Variants in TMEM230 observed in about 807,000 individuals in gnomAD.
TMEM230 encodes UPF0414 transmembrane protein C20orf30.
In TMEM230, 10 loss-of-function variants were observed where a neutral mutation model predicts 15.8. The observed-to-expected ratio is 0.63, with a 90% CI of 0.39 to 1.07. The LOEUF is 1.07. Ranked by LOEUF, TMEM230 falls within the 50% of genes least tolerant of loss-of-function variation. The probability of loss-of-function intolerance (pLI) is 0.01; values close to 1 mark genes in which losing one functional copy is unlikely to be tolerated. For missense variants in TMEM230, 165 were observed against 193.3 expected (o/e 0.85, Z 0.87); for synonymous variants, 67 against 76.9 (o/e 0.87, Z 0.68).
intron 2 of TMEM230, among the ~76,000 whole-genome samples, chr20:5,109,931 G>C (rs1337763082): frequency 2.0e-5 from 3 of 152,200 alleles, no homozygotes; most frequent in East Asian, 1.9e-4. Flanking sequence ...AGGGAGAAGA[G>C]GGCAGAGAAT....
chr20:5,060,756 C>T, the TMEM230 span, among the ~76,000 whole-genome samples: 1 of 151,886 alleles, frequency 6.6e-6, no homozygotes, highest in African/African-American at 2.4e-5. Flanking sequence ...ATGAATATAC[C>T]GTAATTTATC....
intron 3 of TMEM230, among the ~76,000 whole-genome samples, chr20:5,072,983 A>C (rs2088878178): frequency 1.3e-5 from 2 of 151,948 alleles, no homozygotes; most frequent in African/African-American, 4.8e-5. Flanking sequence ...GTGAGGATTC[A>C]TGTACAAGAG....
the TMEM230 span, among the ~76,000 whole-genome samples, chr20:5,061,558 T>C: frequency 6.6e-6 from 1 of 152,164 alleles, no homozygotes; most frequent in African/African-American, 2.4e-5. Flanking sequence ...GTGTCCTCCC[T>C]ATTTCAGAGG....
downstream of TMEM230, among the ~76,000 whole-genome samples, chr20:5,096,348 G>C (rs1050406231): frequency 8.5e-5 from 13 of 152,192 alleles, no homozygotes; most frequent in African/African-American, 3.1e-4. Context: ...TTGTGAGGTA[G>C]GAATTGTTCT....
intron 3 of TMEM230, among the ~76,000 whole-genome samples, chr20:5,080,884 A>G (rs1308974463): frequency 6.6e-6 from 1 of 152,212 alleles, no homozygotes; most frequent in African/African-American, 2.4e-5. Context: ...GTGACACTCT[A>G]TACCAGGTTA....
intron 3 of TMEM230, chr20:5,069,484 A>G: frequency 1.2e-6 from 1 of 866,214 alleles, no homozygotes; most frequent in Non-Finnish European, 1.7e-6. Flanking sequence ...TGTGTGAGGC[A>G]GGAGCTCAAG....
At chr20:5,075,541 A>G (rs185047377) in intron 3 of TMEM230, among the ~76,000 whole-genome samples, 1 of 151,610 alleles carries the variant, frequency 6.6e-6, no homozygotes, top group Admixed American at 6.6e-5. Context: ...CCTGGCCAAC[A>G]TGGTTAAACC....
At position 5,100,012 on chromosome 20, in the gene TMEM230, C is replaced by T. The variant is rs2089791082; in HGVS notation, c.*779G>A. 1 of 985,168 alleles carries T rather than the reference C, an allele frequency of 1.0e-6. No homozygotes were observed. Among genetic ancestry groups the T allele is most frequent in the Non-Finnish European group, 1.2e-6 (1 of 829,882 alleles). 61.0% of individuals were successfully genotyped at this position (985,168 alleles called of 1,614,324 possible). On this transcript the variant is annotated 3_prime_UTR_variant, in exon 5 of 5. Coordinates refer to ENST00000342308, the MANE Select transcript of TMEM230 (RefSeq NM_001009923.2). Reference sequence around the variant, plus strand: ...CTTGGAATCATGAGCAGAATGATGACATACTACAAGGTGCTAGCAATACGG... The same window carrying T: ...CTTGGAATCATGAGCAGAATGATGATATACTACAAGGTGCTAGCAATACGG...
intron 3 of TMEM230, among the ~76,000 whole-genome samples, chr20:5,074,437 C>A (rs1379116883): frequency 6.6e-6 from 1 of 152,000 alleles, no homozygotes; most frequent in Non-Finnish European, 1.5e-5. Context: ...CAGTTTACAA[C>A]CCCTAGAAGC....
chr20:5,107,733 G>A (rs1361276666), intron 3 of TMEM230, among the ~76,000 whole-genome samples: 2 of 151,592 alleles, frequency 1.3e-5, no homozygotes, highest in Non-Finnish European at 2.9e-5. Flanking sequence ...AAGACTACTT[G>A]AGCCCAGAAG....
chr20:5,078,381 A>G (rs2089069621), intron 3 of TMEM230, among the ~76,000 whole-genome samples: 1 of 152,226 alleles, frequency 6.6e-6, no homozygotes, highest in Non-Finnish European at 1.5e-5. Flanking sequence ...TTGGAAGCAC[A>G]GATACTCCCA....
chr20:5,085,061 C>A (rs2089295317), intron 3 of TMEM230, among the ~76,000 whole-genome samples: 2 of 152,150 alleles, frequency 1.3e-5, no homozygotes, highest in Admixed American at 1.3e-4. Context: ...AACTCACACA[C>A]AAGGTTGTAC....
intron 4 of TMEM230, among the ~76,000 whole-genome samples, chr20:5,103,226 C>T (rs1009104507): frequency 6.6e-5 from 10 of 152,162 alleles, no homozygotes; most frequent in African/African-American, 9.7e-5. Context: ...CTTTGGGAGG[C>T]TGAGGCAGGA....
At position 5,106,245 on chromosome 20, in the gene TMEM230, A is replaced by G. The variant is rs1398626200; in HGVS notation, c.354T>C (p.Ile118=). The G allele has an allele frequency of 6.2e-7, 1 of 1,614,144 alleles. No homozygotes were observed. Among genetic ancestry groups the G allele is most frequent in the Non-Finnish European group, 8.5e-7 (1 of 1,180,004 alleles). Residue 118 remains isoleucine, a synonymous_variant, in exon 4 of 5, where the codon ATT becomes ATC. Transcript: ENST00000342308. Reference sequence around the variant, plus strand: ...AGCCTATAATAATGAGAAAGGCGCCAATCAAAAACAGCACAGTGGCAAGTG... The same window carrying G: ...AGCCTATAATAATGAGAAAGGCGCCGATCAAAAACAGCACAGTGGCAAGTG...
downstream of TMEM230, among the ~76,000 whole-genome samples, chr20:5,065,243 C>A (rs1229989580): frequency 1.3e-5 from 2 of 151,816 alleles, no homozygotes; most frequent in Non-Finnish European, 2.9e-5. Context: ...CATGGCAAGA[C>A]CCCATCTCTC....
chr20:5,069,420 G>A, intron 3 of TMEM230: 1 of 1,445,478 alleles, frequency 6.9e-7, no homozygotes. Context: ...AATCCTAATT[G>A]TCAAGAAATC....
chr20:5,078,469 A>G (rs1012763207), intron 3 of TMEM230, among the ~76,000 whole-genome samples: 1 of 152,180 alleles, frequency 6.6e-6, no homozygotes, highest in Admixed American at 6.5e-5. Context: ...TATGAGATAG[A>G]GACTGTATCA....
intron 3 of TMEM230, among the ~76,000 whole-genome samples, chr20:5,089,362 G>A (rs2089443082): frequency 1.4e-5 from 2 of 145,184 alleles, no homozygotes; most frequent in South Asian, 2.4e-4. Flanking sequence ...GCAACAGAGC[G>A]AGAATCTGTT....
At chr20:5,104,311 C>T (rs192231318) in intron 4 of TMEM230, among the ~76,000 whole-genome samples, 6 of 152,284 alleles carry the variant, frequency 3.9e-5, no homozygotes, top group Admixed American at 3.9e-4. Context: ...CCTCCTGCCT[C>T]GGCCTCCAAA....
Sources: gnomAD v4.1 joint callset for allele counts (sites outside exome capture counted in the v4.1 genomes callset) on GRCh38, gnomAD v4.1.1 for gene constraint, MANE v1.5 for transcripts, NCBI Gene and HGNC (gene_info 2026-07-23, HGNC 2026-07-21) for gene names.